The following CYTH3 variants were observed in gnomAD, a reference collection of about 807,000 sequenced individuals.
CYTH3 encodes the protein cytohesin-3.
In CYTH3, 23 loss-of-function variants were observed where a neutral mutation model predicts 55.1. The observed-to-expected ratio is 0.42, with a 90% CI of 0.30 to 0.59. The LOEUF is 0.59. Ranked by LOEUF, CYTH3 falls within the 20% of genes least tolerant of loss-of-function variation. CYTH3 has a pLI of 0.20. For synonymous variants in CYTH3, 249 were observed against 194.9 expected (o/e 1.28, Z -2.31); for missense variants, 413 against 524.8 (o/e 0.79, Z 2.08).
intron 4 of CYTH3, among the ~76,000 whole-genome samples, chr7:6,182,467 G>C (rs1010650706): frequency 6.6e-6 from 1 of 152,170 alleles, no homozygotes; most frequent in Non-Finnish European, 1.5e-5. Context: ...TTCTGCCTTA[G>C]CCTCCCAGTA....
chr7:6,270,885 G>T (rs1780631587), intron 1 of CYTH3, among the ~76,000 whole-genome samples: 1 of 152,066 alleles, frequency 6.6e-6, no homozygotes, highest in African/African-American at 2.4e-5. Flanking sequence ...CTTTATTCCT[G>T]CTTTAATCTT....
At position 6,171,631 on chromosome 7, in the gene CYTH3, G is replaced by C. The variant is rs564159647; in HGVS notation, c.450-317C>G. On this transcript the variant is annotated intron_variant, in intron 6 of 12. Transcript: ENST00000350796. This position sits in a 1 kb window ranked among gnomAD's most constrained non-coding sequence, Gnocchi z 6.7. Reference sequence around the variant, plus strand: ...TCTGTCCCCATTGCCACCATCTCCTGCTGCTGCCAGGTGATCACCAGAGCC... The same window carrying C: ...TCTGTCCCCATTGCCACCATCTCCTCCTGCTGCCAGGTGATCACCAGAGCC... The C allele has an allele frequency of 7.8e-5, 24 of 309,244 alleles. No homozygotes were observed. In the East Asian group the frequency reaches 1.4e-3, roughly 18 times the overall value. The allele number at this position is 309,244 out of a possible 1,614,324, so 19.2% of individuals were successfully genotyped here.
chr7:6,210,010 C>G (rs1784288134), intron 1 of CYTH3, among the ~76,000 whole-genome samples: 1 of 152,116 alleles, frequency 6.6e-6, no homozygotes, highest in Non-Finnish European at 1.5e-5. Context: ...TGGTGAAACT[C>G]TTCTGTATGA....
At chr7:6,242,986 G>C (rs1470323707) in intron 1 of CYTH3, among the ~76,000 whole-genome samples, 1 of 152,096 alleles carries the variant, frequency 6.6e-6, no homozygotes, top group Admixed American at 6.5e-5. Context: ...GCTTGCCATG[G>C]GTGTCCTGGG....
At chr7:6,207,027 A>C (rs981898764) in intron 1 of CYTH3, among the ~76,000 whole-genome samples, 3 of 152,010 alleles carry the variant, frequency 2.0e-5, no homozygotes, top group South Asian at 2.1e-4. Context: ...CAATACTACA[A>C]ACTTTAAGAT....
intron 9 of CYTH3, 40 bp from the exon 10 acceptor site, chr7:6,165,850 C>G: frequency 6.2e-7 from 1 of 1,609,184 alleles, no homozygotes; most frequent in Non-Finnish European, 8.5e-7. Context: ...GCTCCGTGCA[C>G]AGGGAGCCCG....
At position 6,272,604 on chromosome 7, in the gene CYTH3, G is replaced by C; in HGVS notation, c.-97C>G. 1 of 949,218 alleles carries C rather than the reference G, an allele frequency of 1.1e-6. No individual in the cohort carries two copies. The highest frequency in any genetic ancestry group is 1.3e-6 in the Non-Finnish European group (1 of 776,002). 58.8% of individuals were successfully genotyped at this position (949,218 alleles called of 1,614,324 possible). A position where few individuals can be genotyped will look rare whatever the true frequency, so the allele number is the denominator to read the frequency against. On this transcript the variant is annotated 5_prime_UTR_variant, in exon 1 of 13. Transcript: ENST00000350796. Reference sequence around the variant, plus strand: ...GAGGGAGCGCGCAGGCGACCGGGCGGCTCCTCAGCGCGCGGCCCGGGTCGC... The same window carrying C: ...GAGGGAGCGCGCAGGCGACCGGGCGCCTCCTCAGCGCGCGGCCCGGGTCGC...
In CYTH3 at chr7:6,170,460, G is replaced by T; in HGVS notation, c.823+75C>A. ...GCGGTGGGGGGCATTCCTACGATGA[G>T]CCTGGGAGGAACCCGAGGGGCTGCT... On this transcript the variant is annotated intron_variant, in intron 9 of 12. Coordinates refer to ENST00000350796, the MANE Select transcript of CYTH3 (RefSeq NM_004227.4). The surrounding 1 kb of genome is among the most constrained non-coding windows in gnomAD (Gnocchi z 7.8). The T allele has an allele frequency of 7.2e-7, 1 of 1,390,680 alleles. No homozygotes were observed. The highest frequency in any genetic ancestry group is 1.0e-6 in the Non-Finnish European group (1 of 999,358). 86.1% of individuals were successfully genotyped at this position (1,390,680 alleles called of 1,614,324 possible). A position where few individuals can be genotyped will look rare whatever the true frequency, so the allele number is the denominator to read the frequency against.
chr7:6,263,611 C>A (rs1305799773), intron 1 of CYTH3, among the ~76,000 whole-genome samples: 1 of 152,028 alleles, frequency 6.6e-6, no homozygotes, highest in Non-Finnish European at 1.5e-5. Context: ...GCCTGGCCAA[C>A]GTAGCAAAAA....
chr7:6,269,807 A>C (rs182157280), intron 1 of CYTH3, among the ~76,000 whole-genome samples: 2 of 152,346 alleles, frequency 1.3e-5, no homozygotes, highest in East Asian at 3.9e-4. Context: ...ACAAAAAGCT[A>C]AATTAACTTA....
At chr7:6,172,589 C>T (rs936627145) in intron 6 of CYTH3, 1 of 523,244 alleles carries the variant, frequency 1.9e-6, no homozygotes, top group African/African-American at 2.1e-5. Flanking sequence ...GTGCCTCCAT[C>T]AGGCCCTCTA....
At chr7:6,216,413 T>C (rs1286262499) in intron 1 of CYTH3, among the ~76,000 whole-genome samples, 4 of 151,940 alleles carry the variant, frequency 2.6e-5, no homozygotes, top group African/African-American at 4.8e-5. Context: ...AGAGCAACCA[T>C]TTAAAAAGCT....
intron 5 of CYTH3, among the ~76,000 whole-genome samples, chr7:6,174,629 C>A (rs1783293966): frequency 1.4e-5 from 2 of 147,470 alleles, no homozygotes; most frequent in Non-Finnish European, 1.5e-5. Context: ...CCCACTGCAA[C>A]CTCCACCTCC....
chr7:6,186,274 C>T (rs1252637508), intron 4 of CYTH3, among the ~76,000 whole-genome samples: 5 of 150,968 alleles, frequency 3.3e-5, no homozygotes, highest in African/African-American at 4.9e-5. Context: ...AAGTGCAGAC[C>T]GACTGAAGAC....
intron 1 of CYTH3, among the ~76,000 whole-genome samples, chr7:6,242,277 C>T (rs1458371209): frequency 1.3e-5 from 2 of 151,778 alleles, no homozygotes; most frequent in South Asian, 2.1e-4. Context: ...GGGGTTTCAC[C>T]GCGTTGGCCA....
chr7:6,211,656 T>G (rs1447446484), intron 1 of CYTH3, among the ~76,000 whole-genome samples: 2 of 152,172 alleles, frequency 1.3e-5, no homozygotes, highest in African/African-American at 4.8e-5. Flanking sequence ...TATTTTTAAA[T>G]GTACAATTAA....
chr7:6,230,625 T>A (rs1779367612), intron 1 of CYTH3, among the ~76,000 whole-genome samples: 1 of 152,166 alleles, frequency 6.6e-6, no homozygotes, highest in Non-Finnish European at 1.5e-5. Flanking sequence ...CACAGCAAGT[T>A]TCATGCCACG....
At chr7:6,257,402 CCT>C (rs1258857206) in intron 1 of CYTH3, among the ~76,000 whole-genome samples, 1 of 152,136 alleles carries the variant, frequency 6.6e-6, no homozygotes, top group Non-Finnish European at 1.5e-5. Flanking sequence ...TATTTTATTT[CCT>C]CTCTGTAAAG....
At position 6,202,957 on chromosome 7, in the gene CYTH3, T is replaced by G. The variant is rs149728693; in HGVS notation, c.35-12426A>C. 1.5e-3 allele frequency among the ~76,000 whole-genome samples: 225 copies of G among 152,196 alleles called. 3 individuals carry two copies. The highest frequency in any genetic ancestry group is 5.2e-3 in the African/African-American group (215 of 41,530). ...AAACATACGAATACATAAAAGTTGG[T>G]AAAAGGGTAGAAAGTGACATACCAG... On this transcript the variant is annotated intron_variant, in intron 1 of 12. Transcript: ENST00000350796.
Sources: allele counts gnomAD v4.1 joint callset (sites outside exome capture counted in the v4.1 genomes callset), GRCh38; gene constraint gnomAD v4.1.1; non-coding constraint Gnocchi (gnomAD v3.1); transcripts MANE v1.5; gene names NCBI Gene and HGNC (gene_info 2026-07-23, HGNC 2026-07-21).